Variants in ZNF341 observed in about 807,000 individuals in gnomAD.
ZNF341 encodes zinc finger protein 341.
Under a neutral mutation model 87.7 loss-of-function variants are expected in ZNF341, and 52 were observed. The observed-to-expected ratio is 0.59, with a 90% CI of 0.47 to 0.75. The LOEUF is 0.75. Among genes scored for constraint, ZNF341 ranks in the 30% least tolerant of loss-of-function variants. The pLI is 0.00. For synonymous variants in ZNF341, 459 were observed against 472.7 expected, an observed-to-expected ratio of 0.97 and a Z score of 0.38; for missense variants, 977 against 1,145.9, an observed-to-expected ratio of 0.85 and a Z score of 2.13.
In ZNF341 at chr20:33,781,415, G is replaced by A. The variant is rs747886195; in HGVS notation, c.1719+28G>A. On this transcript the variant is annotated intron_variant, in intron 11 of 14. Coordinates refer to ENST00000375200, the MANE Select transcript of ZNF341 (RefSeq NM_001282933.2). The stretch of plus-strand genomic sequence containing the variant: ...GGGTGCCACTGTCCTCTTTTCTGGG[G>A]CCTAGGCTATAATAAGGGCAAGGAG... The A allele has an allele frequency of 3.1e-6, 5 of 1,602,924 alleles. No individual in the cohort carries two copies. The South Asian group carries it at 4.4e-5, about 14-fold the overall frequency.
chr20:33,771,892 G>A (rs191731892), intron 10 of ZNF341, among the ~76,000 whole-genome samples: 11 of 150,752 alleles, frequency 7.3e-5, no homozygotes, highest in African/African-American at 9.8e-5. Flanking sequence ...GCACGCACCC[G>A]TAGTCCCAGC....
chr20:33,733,728 C>A (rs921925220), intron 1 of ZNF341, among the ~76,000 whole-genome samples: 17 of 152,162 alleles, frequency 1.1e-4, no homozygotes, highest in African/African-American at 3.9e-4. Context: ...GGCGGGGTAG[C>A]CCTGTCTCCA....
At position 33,732,315 on chromosome 20, in the gene ZNF341, C is replaced by T. The variant is rs2018586736; in HGVS notation, c.31+263C>T. On this transcript the variant is annotated intron_variant, in intron 1 of 14. Coordinates refer to ENST00000375200, the MANE Select transcript of ZNF341 (RefSeq NM_001282933.2). This position sits in a 1 kb window ranked among gnomAD's most constrained non-coding sequence, Gnocchi z 4.5. ...CCGGAACAGCGCCAGCCTGGGCGGC[C>T]TTGGGCGGGCGCGGGAGGGGCTCCC... Among the ~76,000 whole-genome samples the T allele has an allele frequency of 6.7e-6, 1 of 150,196 alleles. No homozygotes were observed. The highest frequency in any genetic ancestry group is 1.5e-5 in the Non-Finnish European group (1 of 67,386).
At chr20:33,772,027 A>AAAAAAAAAG (rs2019544225) in intron 10 of ZNF341, among the ~76,000 whole-genome samples, 1 of 150,024 alleles carries the variant, frequency 6.7e-6, no homozygotes, top group Non-Finnish European at 1.5e-5. Flanking sequence ...AAAAAAAAAA[A>AAAAAAAAAG]AAAAAAAAGA....
chr20:33,774,842 C>T (rs2019598208), intron 10 of ZNF341, among the ~76,000 whole-genome samples: 1 of 152,052 alleles, frequency 6.6e-6, no homozygotes, highest in Non-Finnish European at 1.5e-5. Context: ...GTGGCATGTG[C>T]CTGTAGTCCC....
intron 10 of ZNF341, among the ~76,000 whole-genome samples, chr20:33,771,645 GT>G (rs1322455030): frequency 6.6e-6 from 1 of 152,070 alleles, no homozygotes; most frequent in East Asian, 1.9e-4. Flanking sequence ...GTCTTCCATT[GT>G]GGTCATGAAG....
At chr20:33,754,245 G>A (rs1212071531) in intron 5 of ZNF341, among the ~76,000 whole-genome samples, 1 of 152,132 alleles carries the variant, frequency 6.6e-6, no homozygotes, top group African/African-American at 2.4e-5. Flanking sequence ...AAGAATTGGT[G>A]CCATAATACA....
intron 12 of ZNF341, among the ~76,000 whole-genome samples, chr20:33,786,579 A>G (rs2019867564): frequency 6.6e-6 from 1 of 152,212 alleles, no homozygotes; most frequent in African/African-American, 2.4e-5. Flanking sequence ...TCTGTTATGT[A>G]TATTTCTCCA....
At chr20:33,772,010 TAAAAAAAAAA>T (rs57345366) in intron 10 of ZNF341, among the ~76,000 whole-genome samples, 1 of 56,168 alleles carries the variant, frequency 1.8e-5, no homozygotes, top group Non-Finnish European at 3.1e-5. Context: ...ACGCTTGTCT[TAAAAAAAAAA>T]AAAAAAAAAA....
At chr20:33,775,444 C>T (rs950348073) in intron 10 of ZNF341, among the ~76,000 whole-genome samples, 7 of 150,726 alleles carry the variant, frequency 4.6e-5, no homozygotes, top group East Asian at 1.9e-4. Context: ...TCCCTGACCT[C>T]GTGATCTACC....
intron 3 of ZNF341, among the ~76,000 whole-genome samples, chr20:33,746,302 C>T (rs1459518916): frequency 2.9e-5 from 4 of 139,348 alleles, no homozygotes; most frequent in Admixed American, 7.6e-5. Flanking sequence ...GGCAGGATCT[C>T]GGCTCACTGC....
chr20:33,753,120 A>T, intron 4 of ZNF341, 52 bp from the exon 5 acceptor site: 1 of 1,609,714 alleles, frequency 6.2e-7, no homozygotes, highest in South Asian at 1.1e-5. Context: ...TTCCTGATAA[A>T]TAAGACAACT....
intron 13 of ZNF341, among the ~76,000 whole-genome samples, chr20:33,789,294 C>T (rs2019945905): frequency 1.3e-5 from 2 of 152,084 alleles, no homozygotes; most frequent in Non-Finnish European, 2.9e-5. Flanking sequence ...CCATCCACCT[C>T]GGCCTCCCAA....
At chr20:33,769,365 G>A (rs1221363028) in intron 9 of ZNF341, among the ~76,000 whole-genome samples, 1 of 139,282 alleles carries the variant, frequency 7.2e-6, no homozygotes. Context: ...AGGGGGTGAA[G>A]GGGTGGTGGT....
intron 2 of ZNF341, among the ~76,000 whole-genome samples, chr20:33,741,459 C>T (rs1366747051): frequency 6.7e-6 from 1 of 150,140 alleles, no homozygotes. Context: ...GGCTGGAGTG[C>T]AGGGCACGAT....
At chr20:33,747,431 C>CG (rs2018951934) in intron 3 of ZNF341, among the ~76,000 whole-genome samples, 1 of 144,608 alleles carries the variant, frequency 6.9e-6, no homozygotes, top group South Asian at 2.1e-4. Context: ...CCGGCTAAAA[C>CG]GGTGAAACCC....
Position 33,783,747 on chromosome 20 carries a change from C to T in ZNF341, c.1735C>T (p.Arg579Cys), listed in dbSNP as rs148442739. The change falls in exon 12 of 15, where the codon CGC becomes TGC. Residue 579 changes from arginine (R) to cysteine (C), a missense_variant. Physicochemically the swap from Arg to Cys is radical, Grantham distance 180. Around this residue, in one of 3 missense-constraint regions of ZNF341, gnomAD observed 241 missense variants for 335.0 expected, o/e 0.72. Transcript: ENST00000375200. ...TCTCTCCCAGGTGTTTCCTTGTGAA[C>T]GCTACCTGCGGCGTCATCTGCCCAC... ...PHCQKVFPCE[R>C]YLRRHLPTHG... The T allele has an allele frequency of 7.4e-6, 12 of 1,613,852 alleles. No individual in the cohort carries two copies. The highest frequency in any genetic ancestry group is 1.3e-5 in the African/African-American group (1 of 74,970).
intron 10 of ZNF341, among the ~76,000 whole-genome samples, chr20:33,775,044 G>T (rs2019601588): frequency 6.6e-6 from 1 of 152,142 alleles, no homozygotes; most frequent in Non-Finnish European, 1.5e-5. Context: ...ATTCCATTGT[G>T]CATGGTGTAC....
At chr20:33,781,452 T>C (rs914888532) in intron 11 of ZNF341, 65 bp downstream of exon 11, 2 of 1,416,754 alleles carry the variant, frequency 1.4e-6, no homozygotes, top group African/African-American at 1.4e-5. Flanking sequence ...TGGGGTGGGG[T>C]GCACACCTCA....
Sources: gnomAD v4.1 joint callset for allele counts (sites outside exome capture counted in the v4.1 genomes callset) on GRCh38, gnomAD v4.1.1 for gene constraint, gnomAD v4.1.1 regional missense constraint, Gnocchi (gnomAD v3.1) non-coding constraint, MANE v1.5 for transcripts, NCBI Gene and HGNC (gene_info 2026-07-23, HGNC 2026-07-21) for gene names.